RAB7A: variants seen among roughly 807,000 people sequenced by gnomAD.
RAB7A encodes the protein ras-related protein Rab-7a.
Under a neutral mutation model 24.5 loss-of-function variants are expected in RAB7A, and 2 were observed. That is an observed-to-expected ratio of 0.08 (90% CI 0.03 to 0.26). RAB7A has a LOEUF of 0.26. Among genes scored for constraint, RAB7A ranks in the 10% least tolerant of loss-of-function variants. The pLI is 1.00. For synonymous variants in RAB7A, 100 were observed against 95.9 expected (o/e 1.04, Z -0.25); for missense variants, 118 against 255.7 (o/e 0.46, Z 3.67).
intron 1 of RAB7A, among the ~76,000 whole-genome samples, chr3:128,727,560 C>T (rs1466999970): frequency 6.6e-6 from 1 of 152,154 alleles, no homozygotes; most frequent in Non-Finnish European, 1.5e-5. Context: ...GTAGTGTCAC[C>T]GAATTAGGAG....
At chr3:128,753,116 C>A (rs1403811273) in intron 1 of RAB7A, among the ~76,000 whole-genome samples, 1 of 152,088 alleles carries the variant, frequency 6.6e-6, no homozygotes, top group African/African-American at 2.4e-5. Context: ...CCTTCAGGAA[C>A]ACAAGTTAGT....
At chr3:128,752,782 T>TAG (rs2070698602) in intron 1 of RAB7A, among the ~76,000 whole-genome samples, 1 of 151,756 alleles carries the variant, frequency 6.6e-6, no homozygotes, top group East Asian at 1.9e-4. Context: ...AGGTGGGTTA[T>TAG]AGAGGTTGAT....
chr3:128,802,748 C>G lies in RAB7A; in HGVS notation c.181-3624C>G, dbSNP rs1933725993. ...GGTCTTGATCTCTTGACCTCATGAT[C>G]TGGCCGCCTCAGCCTCCCACGGCGC... On this transcript the variant is annotated intron_variant, in intron 3 of 5. Transcript: ENST00000265062. Among the ~76,000 whole-genome samples, 3 of 151,566 alleles carry G rather than the reference C, an allele frequency of 2.0e-5. No homozygotes were observed. The East Asian group carries it at 5.8e-4, about 29-fold the overall frequency.
chr3:128,734,853 T>C (rs986187902), intron 1 of RAB7A, among the ~76,000 whole-genome samples: 1 of 152,238 alleles, frequency 6.6e-6, no homozygotes, highest in Non-Finnish European at 1.5e-5. Context: ...TAATATTACA[T>C]GACTTTGCCT....
At chr3:128,775,442 A>G (rs1234704386) in intron 1 of RAB7A, among the ~76,000 whole-genome samples, 1 of 152,142 alleles carries the variant, frequency 6.6e-6, no homozygotes, top group African/African-American at 2.4e-5. Context: ...CTCTTTTCTT[A>G]GTAGCAGTGC....
chr3:128,736,327 A>G (rs2070489356), intron 1 of RAB7A, among the ~76,000 whole-genome samples: 2 of 152,150 alleles, frequency 1.3e-5, no homozygotes, highest in Admixed American at 1.3e-4. Flanking sequence ...GCCTTTGTAC[A>G]TTTTATCATT....
intron 1 of RAB7A, among the ~76,000 whole-genome samples, chr3:128,792,185 G>A (rs2107609545): frequency 6.6e-6 from 1 of 152,298 alleles, no homozygotes; most frequent in African/African-American, 2.4e-5. Flanking sequence ...GAGACTCAAA[G>A]GGAAGGAAAC....
In RAB7A at chr3:128,733,369, C is replaced by T. The variant is rs985531124; in HGVS notation, c.-9+7010C>T. Among the ~76,000 whole-genome samples, 5 of 152,252 alleles carry T rather than the reference C, an allele frequency of 3.3e-5. 1 individual carries two copies. Among genetic ancestry groups the T allele is most frequent in the Admixed American group, 6.5e-5 (1 of 15,294 alleles). On this transcript the variant is annotated intron_variant, in intron 1 of 5. Coordinates refer to ENST00000265062, the MANE Select transcript of RAB7A (RefSeq NM_004637.6). ...TTGTGAGACTTTGTGTTGTTGTGTA[C>T]AGTTGTAACTGGAGTTTCCATTGCT... is the stretch of plus-strand genomic sequence containing the variant.
At chr3:128,786,554 C>CAGAG (rs1576294846) in intron 1 of RAB7A, among the ~76,000 whole-genome samples, 2 of 152,140 alleles carry the variant, frequency 1.3e-5, no homozygotes, top group African/African-American at 4.8e-5. Flanking sequence ...ATGAGATGGA[C>CAGAG]AGAGAGACAT....
In RAB7A at chr3:128,765,153, G is replaced by A. The variant is rs920334437; in HGVS notation, c.-8-30207G>A. ...GGCGGCCGGCCGGGGTGGGGGACGA[G>A]CGCTGGGTTCCGTCCAAGCACTGTT... On this transcript the variant is annotated intron_variant, in intron 1 of 5. Transcript: ENST00000265062. The A allele has an allele frequency of 2.7e-5, 19 of 699,352 alleles. No individual in the cohort carries two copies. The African/African-American group carries it at 3.2e-4, about 12-fold the overall frequency. The allele number at this position is 699,352 out of a possible 1,614,324, so 43.3% of individuals were successfully genotyped here. A position where few individuals can be genotyped will look rare whatever the true frequency, so the allele number is the denominator to read the frequency against.
chr3:128,807,800 G>A, intron 5 of RAB7A, 129 bp downstream of exon 5: 1 of 1,339,284 alleles, frequency 7.5e-7, no homozygotes, highest in Non-Finnish European at 1.1e-6. Flanking sequence ...TACCCTATGT[G>A]TTCATCTGGG....
intron 1 of RAB7A, among the ~76,000 whole-genome samples, chr3:128,768,392 G>A (rs1018855449): frequency 2.0e-5 from 3 of 152,152 alleles, no homozygotes; most frequent in African/African-American, 7.2e-5. Flanking sequence ...GAACACTGGT[G>A]CACAAGTCTC....
intron 1 of RAB7A, among the ~76,000 whole-genome samples, chr3:128,763,204 A>ATTT (rs1465950575): frequency 4.8e-5 from 5 of 104,458 alleles, no homozygotes; most frequent in African/African-American, 1.0e-4. Flanking sequence ...ATATATATAT[A>ATTT]TATATTTTTT....
intron 1 of RAB7A, among the ~76,000 whole-genome samples, chr3:128,728,292 G>A (rs190321621): frequency 6.6e-5 from 10 of 152,290 alleles, no homozygotes; most frequent in Admixed American, 6.5e-4. Context: ...CCAAAGGATG[G>A]TGTTCTTCTG....
At chr3:128,790,020 C>T (rs549317950) in intron 1 of RAB7A, among the ~76,000 whole-genome samples, 33 of 152,024 alleles carry the variant, frequency 2.2e-4, no homozygotes, top group Non-Finnish European at 4.0e-4. Context: ...TTGTCAGTCT[C>T]TTGACCTCGT....
At chr3:128,735,402 C>T (rs1011059531) in intron 1 of RAB7A, among the ~76,000 whole-genome samples, 1 of 152,198 alleles carries the variant, frequency 6.6e-6, no homozygotes, top group East Asian at 1.9e-4. Context: ...TAAGTTCAAC[C>T]AAGTGGCACT....
At chr3:128,772,904 C>T (rs1932988496) in intron 1 of RAB7A, among the ~76,000 whole-genome samples, 1 of 152,250 alleles carries the variant, frequency 6.6e-6, no homozygotes, top group Non-Finnish European at 1.5e-5. Context: ...CAGTGTTGCC[C>T]AGGCTGGAGT....
At chr3:128,767,414 A>G (rs1377537451) in intron 1 of RAB7A, among the ~76,000 whole-genome samples, 2 of 152,242 alleles carry the variant, frequency 1.3e-5, no homozygotes, top group African/African-American at 4.8e-5. Context: ...TTTGGCTTTC[A>G]GTAGCTGCTC....
intron 1 of RAB7A, among the ~76,000 whole-genome samples, chr3:128,730,025 A>T (rs1004220630): frequency 6.6e-6 from 1 of 152,158 alleles, no homozygotes; most frequent in Non-Finnish European, 1.5e-5. Context: ...CTACCATTGT[A>T]TTCTCAGGCA....
Sources: gnomAD v4.1 joint callset for allele counts (sites outside exome capture counted in the v4.1 genomes callset) on GRCh38, gnomAD v4.1.1 for gene constraint, MANE v1.5 for transcripts, NCBI Gene and HGNC (gene_info 2026-07-23, HGNC 2026-07-21) for gene names.